Variants in MTUS2 observed in about 807,000 individuals in gnomAD.
The protein encoded by MTUS2 is microtubule associated scaffold protein 2, also known as microtubule-associated tumor suppressor candidate 2.
A neutral mutation model predicts 114.1 loss-of-function variants in MTUS2; 40 were observed. That is an observed-to-expected ratio of 0.35 (90% CI 0.27 to 0.46). The LOEUF is 0.46. Among genes scored for constraint, MTUS2 ranks in the 20% least tolerant of loss-of-function variants. MTUS2 has a pLI of 1.00. For synonymous variants in MTUS2, 688 were observed against 672.0 expected, an observed-to-expected ratio of 1.02 and a Z score of -0.37; for missense variants, 1,679 against 1,705.4, an observed-to-expected ratio of 0.98 and a Z score of 0.27.
intron 8 of MTUS2, among the ~76,000 whole-genome samples, chr13:29,435,091 G>C (rs182944945): frequency 5.3e-5 from 8 of 152,210 alleles, no homozygotes; most frequent in Non-Finnish European, 1.2e-4. Context: ...AGAACTCAGC[G>C]TGCAAAGGAG....
In MTUS2 at chr13:28,909,723, A is replaced by T. The variant is rs138186294; in HGVS notation, c.-243+69873A>T. ...GAAATAAAGGGTATTCAATTAGGAA[A>T]AGAGGAAGTCAAATTGTCCCTGTTT... On this transcript the variant is annotated intron_variant, in intron 2 of 15. Coordinates refer to ENST00000612955, the MANE Select transcript of MTUS2 (RefSeq NM_001033602.4). 5.4e-3 allele frequency among the ~76,000 whole-genome samples: 827 copies of T among 152,206 alleles called. 9 individuals are homozygous for T. Among genetic ancestry groups the T allele is most frequent in the African/African-American group, 0.019 (773 of 41,508 alleles).
chr13:29,026,175 C>G lies in MTUS2; in HGVS notation c.1477C>G (p.Arg493Gly). 1 of 1,613,884 alleles carries G rather than the reference C, an allele frequency of 6.2e-7. No individual in the cohort carries two copies. The change falls in exon 3 of 16, where the codon CGC becomes GGC. Residue 493 changes from arginine to glycine, a missense_variant. Arg to Gly is a moderately radical substitution (Grantham distance 125). Around this residue, in one of 3 missense-constraint regions of MTUS2, gnomAD observed 843 missense variants for 770.8 expected, o/e 1.09. Coordinates refer to ENST00000612955, the MANE Select transcript of MTUS2 (RefSeq NM_001033602.4). ...TGAGCCCCTGGACCCTCAAAGTGGC[C>G]GCTCAGAAGCACGGGAAAGCAAAGA... ...VPEPLDPQSGRSEARESKEVT... is the reference protein window; with the variant it reads ...VPEPLDPQSGGSEARESKEVT...
chr13:29,329,174 G>A (rs535472797), intron 7 of MTUS2, among the ~76,000 whole-genome samples: 1 of 151,986 alleles, frequency 6.6e-6, no homozygotes, highest in Admixed American at 6.6e-5. Context: ...GATACATGTA[G>A]AGGATGTGCA....
At chr13:29,437,616 A>T (rs1050214473) in intron 8 of MTUS2, among the ~76,000 whole-genome samples, 1 of 152,216 alleles carries the variant, frequency 6.6e-6, no homozygotes, top group Non-Finnish European at 1.5e-5. Context: ...TCAAAAATTA[A>T]GCAAAATCAG....
At chr13:29,247,243 T>TTATACAAAATCTCATCTCA (rs1337889072) in intron 5 of MTUS2, among the ~76,000 whole-genome samples, 7 of 152,188 alleles carry the variant, frequency 4.6e-5, no homozygotes, top group Admixed American at 4.6e-4. Context: ...TTCTCATCTC[T>TTATACAAAATCTCATCTCA]TACCTTATAC....
chr13:29,096,952 T>C (rs999641226), intron 4 of MTUS2, among the ~76,000 whole-genome samples: 1 of 152,120 alleles, frequency 6.6e-6, no homozygotes, highest in Non-Finnish European at 1.5e-5. Context: ...CTCTGTCTTA[T>C]ATGTTTGGGC....
intron 4 of MTUS2, among the ~76,000 whole-genome samples, chr13:29,068,509 T>A (rs771729245): frequency 6.6e-6 from 1 of 151,890 alleles, no homozygotes; most frequent in Non-Finnish European, 1.5e-5. Flanking sequence ...GCATCAGATA[T>A]CCTCAGGCAC....
intron 5 of MTUS2, among the ~76,000 whole-genome samples, chr13:29,234,721 A>G (rs1896466088): frequency 2.7e-5 from 1 of 37,524 alleles, no homozygotes; most frequent in Admixed American, 2.5e-4. Context: ...GTAATAGTAT[A>G]GCATTTAGGT....
At chr13:29,499,508 A>G (rs1882754816) in intron 14 of MTUS2, among the ~76,000 whole-genome samples, 2 of 152,260 alleles carry the variant, frequency 1.3e-5, no homozygotes, top group Admixed American at 1.3e-4. Context: ...ATGAAATAAG[A>G]TAAACAAAAA....
chr13:28,871,334 T>C (rs750371463), intron 2 of MTUS2, among the ~76,000 whole-genome samples: 19 of 152,192 alleles, frequency 1.2e-4, no homozygotes, highest in Non-Finnish European at 1.9e-4. Flanking sequence ...TTTTGACGTG[T>C]CCTAGTTATG....
chr13:28,820,408 GC>G lies in MTUS2; in HGVS notation c.-517del, dbSNP rs1338143747. On this transcript the variant is annotated 5_prime_UTR_variant, in exon 1 of 16. Transcript: ENST00000612955. ...CTCGCGCTCCACCTGCGCCGCCGCC[GC>G]CGGCTCTCAGGGCAAGTTTATCTCC... The G allele has an allele frequency of 6.6e-6, 1 of 151,934 alleles. No homozygotes were observed. Among genetic ancestry groups the G allele is most frequent in the Non-Finnish European group, 1.5e-5 (1 of 68,022 alleles). The allele number at this position is 151,934 out of a possible 1,614,324, so 9.4% of individuals were successfully genotyped here.
chr13:29,345,961 C>T (rs1868636539), intron 7 of MTUS2, among the ~76,000 whole-genome samples: 1 of 152,300 alleles, frequency 6.6e-6, no homozygotes, highest in Non-Finnish European at 1.5e-5. Context: ...CTACCAGGCT[C>T]CAGGCTGGTA....
At chr13:28,878,483 C>T (rs117452965) in intron 2 of MTUS2, among the ~76,000 whole-genome samples, 370 of 152,226 alleles carry the variant, frequency 2.4e-3, no homozygotes, top group South Asian at 4.2e-3. Flanking sequence ...GAGGCTCTCC[C>T]TCCCACCACT....
At chr13:28,978,394 AC>A (rs1196348181) in intron 2 of MTUS2, among the ~76,000 whole-genome samples, 1 of 152,212 alleles carries the variant, frequency 6.6e-6, no homozygotes, top group Non-Finnish European at 1.5e-5. Context: ...AGGAATGCAA[AC>A]TTTGACTATT....
chr13:29,385,950 T>C (rs540854042), intron 8 of MTUS2, among the ~76,000 whole-genome samples: 1 of 152,208 alleles, frequency 6.6e-6, no homozygotes, highest in Non-Finnish European at 1.5e-5. Context: ...CATTTTATAA[T>C]GAAGCCTATA....
At chr13:29,126,836 G>A (rs1040071452) in intron 5 of MTUS2, among the ~76,000 whole-genome samples, 1 of 152,094 alleles carries the variant, frequency 6.6e-6, no homozygotes, top group Non-Finnish European at 1.5e-5. Context: ...AAAGTTCACT[G>A]GCCACTTTGT....
rs534467853 is a variant in MTUS2 at position 29,442,928 on chromosome 13, A to T, written c.3184+2879A>T. On this transcript the variant is annotated intron_variant, in intron 9 of 15. Transcript: ENST00000612955. ...GCCTTTCCTCCTCTTTTAGCAAGAT[A>T]TGTTGGTCTTAGTTAAGATAGAAAA... Among the ~76,000 whole-genome samples the T allele has an allele frequency of 2.6e-5, 4 of 152,292 alleles. No individual in the cohort carries two copies. The South Asian group carries it at 8.3e-4, about 32-fold the overall frequency.
At chr13:29,247,733 C>G (rs1285214711) in intron 5 of MTUS2, among the ~76,000 whole-genome samples, 1 of 151,858 alleles carries the variant, frequency 6.6e-6, no homozygotes, top group African/African-American at 2.4e-5. Context: ...TGCCCGTAAT[C>G]AAAAAATCAA....
chr13:29,355,742 G>A (rs963474764), intron 7 of MTUS2, among the ~76,000 whole-genome samples: 8 of 152,198 alleles, frequency 5.3e-5, no homozygotes, highest in Non-Finnish European at 1.0e-4. Flanking sequence ...AGGTCATGAC[G>A]AAACACTAAT....
Sources: gnomAD v4.1 joint callset for allele counts (sites outside exome capture counted in the v4.1 genomes callset) on GRCh38, gnomAD v4.1.1 for gene constraint, gnomAD v4.1.1 regional missense constraint, MANE v1.5 for transcripts, NCBI Gene and HGNC (gene_info 2026-07-23, HGNC 2026-07-21) for gene names.